The following SPATS2 variants were observed in gnomAD, a reference collection of about 807,000 sequenced individuals.
SPATS2 encodes spermatogenesis-associated serine-rich protein 2.
In SPATS2, 38 loss-of-function variants were observed where a neutral mutation model predicts 63.7. The observed-to-expected ratio is 0.60, with a 90% CI of 0.46 to 0.78. The LOEUF is 0.78. Ranked by LOEUF, SPATS2 falls within the 30% of genes least tolerant of loss-of-function variation. The probability of loss-of-function intolerance (pLI) is 0.00; values close to 1 mark genes in which losing one functional copy is unlikely to be tolerated. For missense variants in SPATS2, 588 were observed against 666.2 expected (o/e 0.88, Z 1.29); for synonymous variants, 207 against 232.9 (o/e 0.89, Z 1.01).
intron 6 of SPATS2, 79 bp downstream of exon 6, chr12:49,490,810 G>C: frequency 7.4e-7 from 1 of 1,355,904 alleles, no homozygotes; most frequent in South Asian, 1.2e-5. Context: ...ATATTTGAAA[G>C]AAAAGGTTCA....
intron 2 of SPATS2, among the ~76,000 whole-genome samples, chr12:49,432,326 G>T (rs1945199325): frequency 6.6e-6 from 1 of 152,180 alleles, no homozygotes; most frequent in Admixed American, 6.5e-5. Flanking sequence ...ACAAAAATTA[G>T]CTGGGTGTGG....
At chr12:49,452,010 C>T (rs989836403) in intron 2 of SPATS2, among the ~76,000 whole-genome samples, 2 of 152,218 alleles carry the variant, frequency 1.3e-5, no homozygotes, top group Admixed American at 6.5e-5. Flanking sequence ...GTATTGTTTT[C>T]ATTTTTGTTC....
intron 2 of SPATS2, among the ~76,000 whole-genome samples, chr12:49,376,870 C>T (rs1944115785): frequency 6.6e-6 from 1 of 152,032 alleles, no homozygotes; most frequent in Non-Finnish European, 1.5e-5. Context: ...AGGCTCCTGC[C>T]ACTGTGCCTG....
intron 4 of SPATS2, 61 bp downstream of exon 4, chr12:49,484,730 C>T (rs375682542): frequency 4.5e-5 from 64 of 1,413,908 alleles, no homozygotes; most frequent in Non-Finnish European, 6.0e-5. Context: ...GGTACTAATA[C>T]GACTAGTGGC....
At chr12:49,522,520 T>C (rs1946958258) in intron 11 of SPATS2, among the ~76,000 whole-genome samples, 1 of 152,254 alleles carries the variant, frequency 6.6e-6, no homozygotes, top group African/African-American at 2.4e-5. Context: ...TTATATCTAA[T>C]GGGCTTTAGC....
chr12:49,462,719 A>C, intron 3 of SPATS2: 1 of 493,548 alleles, frequency 2.0e-6, no homozygotes, highest in Non-Finnish European at 3.6e-6. Flanking sequence ...GTGCGGGTAG[A>C]TAATCTTTCC....
chr12:49,369,127 C>T (rs750430522), intron 1 of SPATS2, among the ~76,000 whole-genome samples: 1 of 150,440 alleles, frequency 6.6e-6, no homozygotes, highest in Non-Finnish European at 1.5e-5. Flanking sequence ...CCTCCATCTC[C>T]CGGGTTCAAG....
intron 6 of SPATS2, among the ~76,000 whole-genome samples, chr12:49,494,525 A>T (rs1295153545): frequency 6.6e-6 from 1 of 151,980 alleles, no homozygotes; most frequent in Non-Finnish European, 1.5e-5. Context: ...AATGTTTTAT[A>T]TTTATGTGTT....
intron 9 of SPATS2, among the ~76,000 whole-genome samples, chr12:49,511,359 A>G (rs1013670686): frequency 6.6e-6 from 1 of 152,204 alleles, no homozygotes; most frequent in South Asian, 2.1e-4. Flanking sequence ...TGAAGAAAGG[A>G]TATGGAAATT....
intron 2 of SPATS2, among the ~76,000 whole-genome samples, chr12:49,375,891 C>T (rs933773397): frequency 6.6e-6 from 1 of 152,044 alleles, no homozygotes; most frequent in African/African-American, 2.4e-5. Flanking sequence ...TTACTGCAAC[C>T]TCCACCTCCC....
intron 3 of SPATS2, chr12:49,469,691 G>A (rs961257866): frequency 2.2e-5 from 8 of 356,592 alleles, no homozygotes; most frequent in Admixed American, 7.3e-5. Flanking sequence ...AGGAGTTCAA[G>A]ACCAGCCTGG....
chr12:49,460,767 C>A lies in SPATS2; in HGVS notation c.-243-3C>A. On this transcript the variant is annotated splice_region_variant and splice_polypyrimidine_tract_variant and intron_variant, in intron 2 of 13. Coordinates refer to ENST00000552918, the MANE Select transcript of SPATS2 (RefSeq NM_023071.4). The stretch of plus-strand genomic sequence containing the variant: ...ATATGTGTGTTTGTGTTTTTCCCTC[C>A]AGAATCTCCCTGGAAAAGGAGACAT... 1.9e-6 allele frequency: 1 copy of A among 538,620 alleles called. No homozygotes were observed. The highest frequency in any genetic ancestry group is 2.3e-5 in the South Asian group (1 of 43,348). 33.4% of individuals were successfully genotyped at this position (538,620 alleles called of 1,614,324 possible).
rs1259717454 is a variant in SPATS2, at chr12:49,460,959, G to A, written c.-54G>A. ...CAGAGATACCTACACTCAAAACCCA[G>A]ACAAGGCAAAAGGATACTTTTCTTG... is the stretch of plus-strand genomic sequence containing the variant. On this transcript the variant is annotated 5_prime_UTR_variant, in exon 3 of 14. Transcript: ENST00000552918. 6.2e-7 allele frequency: 1 copy of A among 1,607,740 alleles called. No homozygotes were observed. The highest frequency in any genetic ancestry group is 1.3e-5 in the African/African-American group (1 of 74,704).
intron 1 of SPATS2, among the ~76,000 whole-genome samples, chr12:49,369,053 T>TTTTA (rs1943953592): frequency 8.1e-6 from 1 of 123,050 alleles, no homozygotes. Flanking sequence ...TTTTTTTTTT[T>TTTTA]GAGATGGAGT....
At chr12:49,471,313 A>T (rs1946030233) in intron 3 of SPATS2, among the ~76,000 whole-genome samples, 1 of 152,184 alleles carries the variant, frequency 6.6e-6, no homozygotes, top group African/African-American at 2.4e-5. Flanking sequence ...CTCACCTGTT[A>T]GACCCATTGT....
At chr12:49,459,740 T>TTCCC (rs1945785887) in intron 2 of SPATS2, among the ~76,000 whole-genome samples, 7 of 32,646 alleles carry the variant, frequency 2.1e-4, no homozygotes, top group African/African-American at 3.3e-4. Context: ...TCATTTCACG[T>TTCCC]CCCCCCCCCC....
chr12:49,412,824 A>G (rs1036100524), intron 2 of SPATS2, among the ~76,000 whole-genome samples: 2 of 152,162 alleles, frequency 1.3e-5, no homozygotes, highest in African/African-American at 4.8e-5. Flanking sequence ...TAATATTTAA[A>G]GTTAGATTGG....
chr12:49,515,410 A>G (rs12322571), intron 10 of SPATS2, among the ~76,000 whole-genome samples: 35,141 of 152,144 alleles, frequency 0.23, 6,872 homozygotes, highest in African/African-American at 0.54. Flanking sequence ...ACTGGTAAGA[A>G]TAGAAATGCT....
At chr12:49,504,324 T>C (rs969480241) in intron 9 of SPATS2, among the ~76,000 whole-genome samples, 3 of 152,176 alleles carry the variant, frequency 2.0e-5, no homozygotes, top group Admixed American at 1.3e-4. Context: ...AACTTAAAAT[T>C]TCTTCTTATT....
Sources: allele counts gnomAD v4.1 joint callset (sites outside exome capture counted in the v4.1 genomes callset), GRCh38; gene constraint gnomAD v4.1.1; transcripts MANE v1.5; gene names NCBI Gene and HGNC (gene_info 2026-07-23, HGNC 2026-07-21).